NPAS3: variants seen among roughly 807,000 people sequenced by gnomAD.
NPAS3 encodes the protein neuronal PAS domain-containing protein 3.
NPAS3 carries 14 observed loss-of-function variants against 73.1 expected under a neutral mutation model. The ratio of observed to expected loss-of-function variants is 0.19; its 90% CI spans 0.13 to 0.30. The LOEUF (loss-of-function observed/expected upper bound fraction) is 0.30. Ranked by LOEUF, NPAS3 falls within the 10% of genes least tolerant of loss-of-function variation. The pLI is 1.00. For missense variants in NPAS3, 1,096 were observed against 1,250.0 expected, an observed-to-expected ratio of 0.88 and a Z score of 1.86; for synonymous variants, 620 against 541.5, an observed-to-expected ratio of 1.14 and a Z score of -2.01.
intron 4 of NPAS3, among the ~76,000 whole-genome samples, chr14:33,411,282 A>G (rs1377778675): frequency 6.6e-6 from 1 of 152,214 alleles, no homozygotes; most frequent in Admixed American, 6.5e-5. Context: ...TCCTGGGTTC[A>G]AGCGATTCTC....
chr14:33,647,063 G>A (rs1388544841), intron 5 of NPAS3, among the ~76,000 whole-genome samples: 1 of 152,130 alleles, frequency 6.6e-6, no homozygotes, highest in Non-Finnish European at 1.5e-5. Context: ...TGATCAAAAT[G>A]ATGTGAAAGT....
At chr14:33,471,637 A>T (rs766766053) in intron 4 of NPAS3, among the ~76,000 whole-genome samples, 2 of 152,250 alleles carry the variant, frequency 1.3e-5, no homozygotes, top group Non-Finnish European at 2.9e-5. Context: ...AGAGTAGTTG[A>T]TATCACCGTC....
intron 4 of NPAS3, among the ~76,000 whole-genome samples, chr14:33,443,898 T>C (rs781383571): frequency 1.3e-5 from 2 of 152,198 alleles, no homozygotes; most frequent in Non-Finnish European, 2.9e-5. Context: ...GACCTGCTTC[T>C]GGTATGAGAA....
chr14:33,467,002 G>A (rs1412313843), intron 4 of NPAS3, among the ~76,000 whole-genome samples: 1 of 152,156 alleles, frequency 6.6e-6, no homozygotes, highest in Non-Finnish European at 1.5e-5. Flanking sequence ...TATTTATTAA[G>A]GGAAGTTCTT....
rs145134484 is a variant in NPAS3 at position 33,366,920 on chromosome 14, G to A, written c.386-266G>A. Among the ~76,000 whole-genome samples the A allele has an allele frequency of 5.9e-5, 9 of 152,240 alleles. No individual in the cohort carries two copies. In the East Asian group the frequency reaches 1.7e-3, roughly 29 times the overall value. On this transcript the variant is annotated intron_variant, in intron 3 of 11. Coordinates refer to ENST00000356141, the Ensembl canonical transcript of NPAS3. ...AACATTCATATGTTTTTATTCCAGTGTAGGGAAAGCCATCCAAAAGGAAAA... is the reference window on the plus strand; with the variant it reads ...AACATTCATATGTTTTTATTCCAGTATAGGGAAAGCCATCCAAAAGGAAAA...
At chr14:33,244,969 A>G (rs1013438785) in intron 3 of NPAS3, among the ~76,000 whole-genome samples, 5 of 152,148 alleles carry the variant, frequency 3.3e-5, no homozygotes, top group Non-Finnish European at 7.3e-5. Context: ...GACAACAAAT[A>G]CACATACAAA....
At chr14:33,550,819 A>G (rs554705617) in intron 4 of NPAS3, among the ~76,000 whole-genome samples, 1 of 152,324 alleles carries the variant, frequency 6.6e-6, no homozygotes, top group African/African-American at 2.4e-5. Context: ...CATAGCCTCT[A>G]AGCGTCTGGA....
chr14:33,382,965 T>C (rs1231036698), intron 4 of NPAS3, among the ~76,000 whole-genome samples: 2 of 151,930 alleles, frequency 1.3e-5, no homozygotes, highest in Non-Finnish European at 2.9e-5. Flanking sequence ...TGTGTGCCTG[T>C]AGTACTAGCT....
chr14:33,186,324 T>A (rs1489535653), intron 2 of NPAS3, among the ~76,000 whole-genome samples: 19 of 152,230 alleles, frequency 1.2e-4, no homozygotes, highest in Non-Finnish European at 2.1e-4. Flanking sequence ...CTTATAGTGT[T>A]GAGGGCTGTA....
At chr14:33,624,069 C>G (rs938168314) in intron 5 of NPAS3, among the ~76,000 whole-genome samples, 3 of 152,160 alleles carry the variant, frequency 2.0e-5, no homozygotes, top group Admixed American at 6.5e-5. Context: ...ACTTCCTCCC[C>G]CAAGCTCCCT....
At chr14:32,966,776 C>CAAAA (rs61620104) in intron 1 of NPAS3, among the ~76,000 whole-genome samples, 7 of 45,094 alleles carry the variant, frequency 1.6e-4, no homozygotes, top group South Asian at 1.5e-3. Flanking sequence ...GACTCCGTCT[C>CAAAA]AAAAAAAAAA....
chr14:33,019,173 C>A (rs1038186846), intron 1 of NPAS3, among the ~76,000 whole-genome samples: 2 of 152,180 alleles, frequency 1.3e-5, no homozygotes, highest in African/African-American at 4.8e-5. Context: ...GCCTCCCCAC[C>A]CAGGTGTCAG....
chr14:33,363,922 C>CTCTGTGTGTGTG (rs2045717223), intron 3 of NPAS3, among the ~76,000 whole-genome samples: 1 of 148,772 alleles, frequency 6.7e-6, no homozygotes, highest in African/African-American at 2.5e-5. Flanking sequence ...GCAATGCCCT[C>CTCTGTGTGTGTG]TGTGTGTGTG....
chr14:33,544,513 G>C (rs1325439883), intron 4 of NPAS3, among the ~76,000 whole-genome samples: 1 of 151,646 alleles, frequency 6.6e-6, no homozygotes, highest in Non-Finnish European at 1.5e-5. Context: ...GACAGAGAGA[G>C]CGCTCTCACT....
intron 3 of NPAS3, among the ~76,000 whole-genome samples, chr14:33,321,808 G>A (rs181977789): frequency 6.6e-5 from 10 of 152,128 alleles, no homozygotes; most frequent in Admixed American, 6.5e-4. Flanking sequence ...GTAACACAAG[G>A]CAAATATATA....
chr14:33,185,772 G>A (rs749632806), intron 2 of NPAS3, among the ~76,000 whole-genome samples: 47 of 152,160 alleles, frequency 3.1e-4, no homozygotes, highest in Non-Finnish European at 3.4e-4. Context: ...AACTGAAGAT[G>A]TTCTTTTTGG....
intron 3 of NPAS3, among the ~76,000 whole-genome samples, chr14:33,340,203 A>G (rs974663977): frequency 1.3e-5 from 2 of 152,146 alleles, no homozygotes; most frequent in African/African-American, 4.8e-5. Context: ...AAGTATCAAT[A>G]TTTTTTCCTG....
At chr14:33,240,044 CTT>C (rs2048166063) in intron 3 of NPAS3, among the ~76,000 whole-genome samples, 1 of 151,794 alleles carries the variant, frequency 6.6e-6, no homozygotes, top group Non-Finnish European at 1.5e-5. Context: ...GCCTATTCCA[CTT>C]TACTAGAGAA....
At chr14:33,672,714 A>AAATC (rs1491107044) in intron 5 of NPAS3, among the ~76,000 whole-genome samples, 1 of 151,940 alleles carries the variant, frequency 6.6e-6, no homozygotes, top group Non-Finnish European at 1.5e-5. Flanking sequence ...AAAAAAAAAA[A>AAATC]AATCAGACAA....
Sources: gnomAD v4.1 joint callset for allele counts (sites outside exome capture counted in the v4.1 genomes callset) on GRCh38, gnomAD v4.1.1 for gene constraint, MANE v1.5 for transcripts, NCBI Gene and HGNC (gene_info 2026-07-23, HGNC 2026-07-21) for gene names.